The following SLC4A4 variants were observed in gnomAD, a reference collection of about 807,000 sequenced individuals.
SLC4A4 encodes the protein solute carrier family 4 member 4, also known as electrogenic sodium bicarbonate cotransporter 1.
SLC4A4 carries 27 observed loss-of-function variants against 111.5 expected under a neutral mutation model. The ratio of observed to expected loss-of-function variants is 0.24; its 90% CI spans 0.18 to 0.33. The LOEUF (loss-of-function observed/expected upper bound fraction) is 0.33. SLC4A4 is among the 10% of genes least tolerant of loss of function. The pLI is 1.00. For missense variants in SLC4A4, 909 were observed against 1,315.5 expected (o/e 0.69, Z 4.78); for synonymous variants, 443 against 463.4 (o/e 0.96, Z 0.57).
chr4:71,539,679 T>C (rs1042491096), intron 18 of SLC4A4, among the ~76,000 whole-genome samples: 2 of 152,198 alleles, frequency 1.3e-5, no homozygotes, highest in African/African-American at 4.8e-5. Context: ...ATATTTGTAT[T>C]ACTCTGTGGC....
At chr4:71,530,865 T>C (rs560742235) in intron 16 of SLC4A4, among the ~76,000 whole-genome samples, 50 of 152,164 alleles carry the variant, frequency 3.3e-4, no homozygotes, top group Admixed American at 8.5e-4. Context: ...AGCCCATCAC[T>C]GATCTCCCTT....
intron 4 of SLC4A4, among the ~76,000 whole-genome samples, chr4:71,346,727 G>A (rs1056911964): frequency 1.3e-5 from 2 of 152,040 alleles, no homozygotes; most frequent in African/African-American, 2.4e-5. Flanking sequence ...CAAAGCATGT[G>A]CCATTTCTGG....
At chr4:71,154,730 T>C (rs1298933187) in intron 2 of SLC4A4, among the ~76,000 whole-genome samples, 3 of 152,178 alleles carry the variant, frequency 2.0e-5, no homozygotes, top group Non-Finnish European at 4.4e-5. Flanking sequence ...ATAAACGTCA[T>C]AATTCTACAT....
At chr4:71,425,601 A>G (rs1003750696) in intron 7 of SLC4A4, among the ~76,000 whole-genome samples, 3 of 152,118 alleles carry the variant, frequency 2.0e-5, no homozygotes, top group African/African-American at 7.2e-5. Context: ...GCTTGGTTTT[A>G]TACATTTTAG....
chr4:71,507,707 A>G (rs973806605), intron 16 of SLC4A4, among the ~76,000 whole-genome samples: 1 of 152,208 alleles, frequency 6.6e-6, no homozygotes, highest in Non-Finnish European at 1.5e-5. Context: ...TAACAAAGGT[A>G]TTCAAGACCT....
At chr4:71,082,282 C>A (rs1742014158) in intron 1 of SLC4A4, among the ~76,000 whole-genome samples, 1 of 152,038 alleles carries the variant, frequency 6.6e-6, no homozygotes, top group Non-Finnish European at 1.5e-5. Context: ...AAGCACTCTG[C>A]ATTTGCAGCC....
At chr4:71,219,114 C>T (rs140546974) in intron 1 of SLC4A4, among the ~76,000 whole-genome samples, 50 of 152,262 alleles carry the variant, frequency 3.3e-4, no homozygotes, top group African/African-American at 1.1e-3. Flanking sequence ...TAGCACGTCT[C>T]TCACTTTAAG....
intron 12 of SLC4A4, among the ~76,000 whole-genome samples, chr4:71,457,808 C>A (rs1003512243): frequency 6.6e-6 from 1 of 152,044 alleles, no homozygotes; most frequent in Non-Finnish European, 1.5e-5. Flanking sequence ...GACCCCCTTT[C>A]CTCCCATGGA....
At chr4:71,481,158 T>C (rs9291202) in intron 14 of SLC4A4, among the ~76,000 whole-genome samples, 144,840 of 151,704 alleles carry the variant, frequency 0.95, 69,498 homozygotes, top group East Asian at 1. Context: ...TTATGTGGTG[T>C]GGGAGCCTAA....
At chr4:71,169,446 G>C (rs113867917) in intron 2 of SLC4A4, among the ~76,000 whole-genome samples, 1 of 152,136 alleles carries the variant, frequency 6.6e-6, no homozygotes, top group Non-Finnish European at 1.5e-5. Context: ...TTTCTCTGAT[G>C]ATCGATGATG....
chr4:71,532,372 TATTTA>T (rs957850513), intron 17 of SLC4A4, among the ~76,000 whole-genome samples, 197 bp downstream of exon 17: 3 of 152,182 alleles, frequency 2.0e-5, no homozygotes, highest in African/African-American at 7.2e-5. Context: ...CTAGGGTTTT[TATTTA>T]AAACAACTGA....
At chr4:71,124,404 A>G (rs2148958339) in intron 2 of SLC4A4, among the ~76,000 whole-genome samples, 1 of 152,074 alleles carries the variant, frequency 6.6e-6, no homozygotes, top group Admixed American at 6.6e-5. Context: ...TCTCTTGACT[A>G]TGTGATCCAC....
At chr4:71,174,995 A>G (rs1745044349) in intron 2 of SLC4A4, among the ~76,000 whole-genome samples, 2 of 152,230 alleles carry the variant, frequency 1.3e-5, no homozygotes, top group African/African-American at 4.8e-5. Context: ...GAAAGGGGTT[A>G]GACATTCTAG....
intron 2 of SLC4A4, among the ~76,000 whole-genome samples, chr4:71,156,964 T>C (rs1259287350): frequency 9.2e-5 from 14 of 152,222 alleles, no homozygotes; most frequent in Admixed American, 9.2e-4. Context: ...AGATTCAGAA[T>C]GGCATGTCAT....
At chr4:71,296,714 T>C (rs2148833346) in intron 3 of SLC4A4, among the ~76,000 whole-genome samples, 1 of 152,352 alleles carries the variant, frequency 6.6e-6, no homozygotes, top group South Asian at 2.1e-4. Context: ...GGCATATTTT[T>C]GAGTTGATAA....
chr4:71,097,698 A>G (rs1320875937), intron 2 of SLC4A4, among the ~76,000 whole-genome samples: 1 of 151,850 alleles, frequency 6.6e-6, no homozygotes, highest in Non-Finnish European at 1.5e-5. Context: ...TATTTTTTTG[A>G]CTTTTTAATA....
rs183712678 is a variant in SLC4A4, at chr4:71,172,279, C to T, written c.-1-64297C>T. Among the ~76,000 whole-genome samples the T allele has an allele frequency of 3.7e-3, 538 of 146,702 alleles. 5 individuals carry two copies. The highest frequency in any genetic ancestry group is 0.013 in the African/African-American group (522 of 39,846). On this transcript the variant is annotated intron_variant, in intron 2 of 26. Coordinates refer to the SLC4A4 transcript ENST00000649996. ...TCTTTCTTTTTTTTTTTTTTTGAGA[C>T]GGAGTCTCGCTTTGTCGCCAGGCTG...
chr4:71,183,447 G>A (rs769233023), upstream of SLC4A4, among the ~76,000 whole-genome samples: 18 of 152,140 alleles, frequency 1.2e-4, no homozygotes, highest in Non-Finnish European at 2.2e-4. Flanking sequence ...TTAAACCTGG[G>A]GTTTGAGGAA....
chr4:71,482,113 G>A (rs1358427296), intron 14 of SLC4A4, among the ~76,000 whole-genome samples: 3 of 151,604 alleles, frequency 2.0e-5, no homozygotes, highest in Non-Finnish European at 4.4e-5. Context: ...GGTAACCAAC[G>A]GTTCTTGTAG....
Sources: allele counts gnomAD v4.1 joint callset (sites outside exome capture counted in the v4.1 genomes callset), GRCh38; gene constraint gnomAD v4.1.1; transcripts MANE v1.5; gene names NCBI Gene and HGNC (gene_info 2026-07-23, HGNC 2026-07-21).